The following UPF1 variants were observed in gnomAD, a reference collection of about 807,000 sequenced individuals.
The protein encoded by UPF1 is regulator of nonsense transcripts 1.
In UPF1, 9 loss-of-function variants were observed where a neutral mutation model predicts 129.2. That is an observed-to-expected ratio of 0.07 (90% CI 0.04 to 0.12). UPF1 has a LOEUF of 0.12. Ranked by LOEUF, UPF1 falls within the 10% of genes least tolerant of loss-of-function variation. UPF1 has a pLI of 1.00. For missense variants in UPF1, 788 were observed against 1,525.3 expected (o/e 0.52, Z 8.05); for synonymous variants, 649 against 644.9 (o/e 1.01, Z -0.10).
chr19:18,861,955 G>C lies in UPF1; in HGVS notation c.2458-55G>C, dbSNP rs138307785. 32 of 1,599,328 alleles carry C rather than the reference G, an allele frequency of 2.0e-5. 1 individual carries two copies. The Middle Eastern group carries it at 5.0e-4, about 25-fold the overall frequency. On this transcript the variant is annotated intron_variant, in intron 17 of 23. Transcript: ENST00000262803. ...GTCTTGGTGTGTTTCCTGCATTTTG[G>C]GGGGACTGGGAAGGCAGCCTGCTGG...
rs935094190 is a variant in UPF1, at chr19:18,853,613, C to T, written c.1156+263C>T. 1.1e-4 allele frequency among the ~76,000 whole-genome samples: 16 copies of T among 152,318 alleles called. No homozygotes were observed. Among genetic ancestry groups the T allele is most frequent in the African/African-American group, 3.8e-4 (16 of 41,572 alleles). Reference sequence around the variant, plus strand: ...CTTGTGTGGCGCGTCCCTGGGCTGACTCTGGAAGTTAATGTATGCCGCTTG... The same window carrying T: ...CTTGTGTGGCGCGTCCCTGGGCTGATTCTGGAAGTTAATGTATGCCGCTTG... On this transcript the variant is annotated intron_variant, in intron 8 of 23. Transcript: ENST00000262803. This position sits in a 1 kb window ranked among gnomAD's most constrained non-coding sequence, Gnocchi z 4.4.
At chr19:18,841,707 T>C (rs1187822166) in intron 1 of UPF1, among the ~76,000 whole-genome samples, 1 of 152,188 alleles carries the variant, frequency 6.6e-6, no homozygotes, top group Non-Finnish European at 1.5e-5. Context: ...CATCTCAGGC[T>C]GTGGGCTCCA....
chr19:18,856,412 G>C, intron 13 of UPF1, 112 bp downstream of exon 13: 1 of 1,040,444 alleles, frequency 9.6e-7, no homozygotes, highest in Non-Finnish European at 1.4e-6. Flanking sequence ...AGAGAACTTA[G>C]ATGCTCTCTA....
intron 19 of UPF1, 35 bp from the exon 20 acceptor site, chr19:18,864,135 G>A (rs1458187963): frequency 7.5e-6 from 12 of 1,600,046 alleles, no homozygotes; most frequent in Non-Finnish European, 1.0e-5. Flanking sequence ...CTTCTGTTGA[G>A]ATGACAAATT....
chr19:18,857,539 G>C lies in UPF1; in HGVS notation c.2182+6G>C, dbSNP rs540060615. 1 of 1,607,920 alleles carries C rather than the reference G, an allele frequency of 6.2e-7. No homozygotes were observed. The highest frequency in any genetic ancestry group is 8.5e-7 in the Non-Finnish European group (1 of 1,177,198). On this transcript the variant is annotated splice_donor_region_variant and intron_variant, in intron 15 of 23. Transcript: ENST00000262803. ...CCAGAATGGTGTCACTGCAGGTAACGGGGCTCTGCCCAGGGCAGGGGCTTC... is the reference window on the plus strand; with the variant it reads ...CCAGAATGGTGTCACTGCAGGTAACCGGGCTCTGCCCAGGGCAGGGGCTTC...
chr19:18,841,236 CCT>C (rs2145937232), intron 1 of UPF1, among the ~76,000 whole-genome samples: 1 of 152,300 alleles, frequency 6.6e-6, no homozygotes, highest in South Asian at 2.1e-4. Context: ...TTTTCTTCTC[CCT>C]GTTTTCTTTT....
chr19:18,861,097 A>G, intron 17 of UPF1, 115 bp downstream of exon 17: 1 of 1,378,608 alleles, frequency 7.3e-7, no homozygotes, highest in South Asian at 1.5e-5. Flanking sequence ...AGAATGGCCC[A>G]GGAAGCACCA....
intron 19 of UPF1, 145 bp from the exon 20 acceptor site, chr19:18,864,025 G>A: frequency 1.3e-6 from 1 of 742,180 alleles, no homozygotes; most frequent in South Asian, 1.7e-5. Context: ...TGAGACAGCA[G>A]CTCCCTCCTG....
chr19:18,857,063 G>T (rs570584772), intron 14 of UPF1, 43 bp downstream of exon 14: 2 of 1,583,098 alleles, frequency 1.3e-6, no homozygotes, highest in African/African-American at 1.4e-5. Context: ...ACTCGTGTGT[G>T]TGATTCTTGG....
In UPF1 at chr19:18,865,840, TC is replaced by T; in HGVS notation, c.3237+65del. 1.9e-6 allele frequency: 3 copies of T among 1,602,180 alleles called. No individual in the cohort carries two copies. Among genetic ancestry groups the T allele is most frequent in the Non-Finnish European group, 2.6e-6 (3 of 1,176,134 alleles). ...GGGTGGGGCTATGCACCTGAAACAT[TC>T]CCTCTGAAGAGCCCCAGAGAGCTGG... On this transcript the variant is annotated intron_variant, in intron 22 of 23. Coordinates refer to ENST00000262803, the MANE Select transcript of UPF1 (RefSeq NM_002911.4). The surrounding 1 kb of genome is among the most constrained non-coding windows in gnomAD (Gnocchi z 6.1).
chr19:18,836,679 A>C (rs1390095271), intron 1 of UPF1, among the ~76,000 whole-genome samples: 1 of 152,048 alleles, frequency 6.6e-6, no homozygotes, highest in Non-Finnish European at 1.5e-5. Context: ...AAACATTTGC[A>C]GCTTATGGTA....
chr19:18,857,049 G>GA, intron 14 of UPF1, 29 bp downstream of exon 14: 1 of 1,593,970 alleles, frequency 6.3e-7, no homozygotes, highest in Non-Finnish European at 8.6e-7. Context: ...CCTCCTGTGT[G>GA]AAAACTCGTG....
chr19:18,840,001 G>A (rs2055524918), intron 1 of UPF1, among the ~76,000 whole-genome samples: 1 of 152,138 alleles, frequency 6.6e-6, no homozygotes, highest in Non-Finnish European at 1.5e-5. Flanking sequence ...GTGGATGTGG[G>A]GCCAGTGGGG....
intron 1 of UPF1, among the ~76,000 whole-genome samples, chr19:18,840,582 C>T (rs1372594128): frequency 3.9e-5 from 6 of 152,094 alleles, no homozygotes; most frequent in African/African-American, 1.2e-4. Flanking sequence ...AGAGAAGGGC[C>T]GTGACACCCA....
In UPF1 at chr19:18,847,764, C is replaced by A. The variant is rs1359807137; in HGVS notation, c.392C>A (p.Pro131His). The part of the protein sequence containing the change: ...HACSYCGIHD[P>H]ACVVYCNTSK... ...TTTAGTTACTGTGGAATACACGATCCTGCCTGCGTGGTTTACTGTAATACC... is the reference window on the plus strand; with the variant it reads ...TTTAGTTACTGTGGAATACACGATCATGCCTGCGTGGTTTACTGTAATACC... Residue 131 changes from proline to histidine, a missense_variant, in exon 3 of 24, where the codon CCT (proline) becomes CAT (histidine). Physicochemically the swap from Pro to His is moderately conservative, Grantham distance 77. Around this residue, in one of 6 missense-constraint regions of UPF1, gnomAD observed 227 missense variants for 517.9 expected, o/e 0.44. Transcript: ENST00000262803. 6.2e-7 allele frequency: 1 copy of A among 1,614,066 alleles called. No individual in the cohort carries two copies. The highest frequency in any genetic ancestry group is 8.5e-7 in the Non-Finnish European group (1 of 1,180,028).
Position 18,855,007 on chromosome 19 carries a change from C to T in UPF1, c.1394C>T (p.Ala465Val), listed in dbSNP as rs766047082. Residue 465 changes from alanine to valine, a missense_variant, in exon 10 of 24, where the codon GCG (alanine) becomes GTG (valine). Transcript: ENST00000262803. Reference protein sequence around the residue: ...IKCQLPKRFTAQGLPDLNHSQ... With the variant: ...IKCQLPKRFTVQGLPDLNHSQ... ...TGCCAGCTGCCCAAGCGCTTCACGG[C>T]GCAGGGCCTCCCCGACCTCAACCAC... 6 of 1,613,954 alleles carry T rather than the reference C, an allele frequency of 3.7e-6. No homozygotes were observed. Among genetic ancestry groups the T allele is most frequent in the Admixed American group, 1.7e-5 (1 of 60,018 alleles).
At chr19:18,847,680 T>C in intron 2 of UPF1, 64 bp from the exon 3 acceptor site, 1 of 1,505,404 alleles carries the variant, frequency 6.6e-7, no homozygotes, top group South Asian at 1.1e-5. Context: ...GAATTTCACA[T>C]CTTGCCAAAT....
chr19:18,838,926 C>T lies in UPF1; in HGVS notation c.231+6486C>T, dbSNP rs1003288500. Reference sequence around the variant, plus strand: ...TCTATTTTTATCACAATTAATTACCCGGATTCAGGATGACGGGGTGGGGGA... The same window carrying T: ...TCTATTTTTATCACAATTAATTACCTGGATTCAGGATGACGGGGTGGGGGA... On this transcript the variant is annotated intron_variant, in intron 1 of 23. Coordinates refer to ENST00000262803, the MANE Select transcript of UPF1 (RefSeq NM_002911.4). 3.3e-5 allele frequency among the ~76,000 whole-genome samples: 5 copies of T among 151,888 alleles called. No homozygotes were observed. In the East Asian group the frequency reaches 5.8e-4, roughly 18 times the overall value.
In UPF1 at chr19:18,855,565, G is replaced by A. The variant is rs118026974; in HGVS notation, c.1544+323G>A. ...CCAGCCTTGGCATTGCTTGCGGTGG[G>A]TAGAGCTGTGAAGCCTGGGCTGTCT... On this transcript the variant is annotated intron_variant, in intron 11 of 23. Transcript: ENST00000262803. 7.6e-3 allele frequency: 3,906 copies of A among 515,456 alleles called. 23 individuals are homozygous for A. The highest frequency in any genetic ancestry group is 9.5e-3 in the Non-Finnish European group (2,718 of 287,000). 31.9% of individuals were successfully genotyped at this position (515,456 alleles called of 1,614,324 possible).
Sources: gnomAD v4.1 joint callset for allele counts (sites outside exome capture counted in the v4.1 genomes callset) on GRCh38, gnomAD v4.1.1 for gene constraint, gnomAD v4.1.1 regional missense constraint, Gnocchi (gnomAD v3.1) non-coding constraint, MANE v1.5 for transcripts, NCBI Gene and HGNC (gene_info 2026-07-23, HGNC 2026-07-21) for gene names.